FREM1: variants seen among roughly 807,000 people sequenced by gnomAD.
FREM1 encodes FRAS1-related extracellular matrix protein 1.
Under a neutral mutation model 210.1 loss-of-function variants are expected in FREM1, and 220 were observed. The ratio of observed to expected loss-of-function variants is 1.05; its 90% CI spans 0.94 to 1.17. FREM1 has a LOEUF of 1.17. Ranked by LOEUF, FREM1 falls within the 50% of genes most tolerant of loss-of-function variation. FREM1 has a pLI of 0.00. For synonymous variants in FREM1, 1,189 were observed against 980.2 expected (o/e 1.21, Z -3.98); for missense variants, 3,454 against 2,675.5 (o/e 1.29, Z -6.42).
intron 10 of FREM1, among the ~76,000 whole-genome samples, chr9:14,830,637 G>A (rs993151644): frequency 2.0e-5 from 3 of 151,714 alleles, no homozygotes; most frequent in South Asian, 2.1e-4. Flanking sequence ...CGGCTTTGGA[G>A]CTCCCCCCGC....
In FREM1 at chr9:14,859,312, T is replaced by C; in HGVS notation, c.502A>G (p.Ser168Gly). The part of the protein sequence containing the change: ...LLRFDYDRMA[S>G]LECTVSLDTA... Reference sequence around the variant, plus strand: ...TCCAGGCTGACGGTACATTCCAGGCTAGCCATCCTATCATAATCGAATCTG... The same window carrying C: ...TCCAGGCTGACGGTACATTCCAGGCCAGCCATCCTATCATAATCGAATCTG... Residue 168 changes from serine to glycine, a missense_variant, in exon 4 of 37, where the codon AGC becomes GGC. Ser to Gly is a moderately conservative substitution (Grantham distance 56, BLOSUM62 0). Transcript: ENST00000380880. 1 of 1,613,942 alleles carries C rather than the reference T, an allele frequency of 6.2e-7. No individual in the cohort carries two copies. Among genetic ancestry groups the C allele is most frequent in the Non-Finnish European group, 8.5e-7 (1 of 1,179,864 alleles).
At chr9:14,753,870 T>C (rs1234293674) in intron 29 of FREM1, among the ~76,000 whole-genome samples, 1 of 152,248 alleles carries the variant, frequency 6.6e-6, no homozygotes, top group Admixed American at 6.5e-5. Flanking sequence ...GTTTTTTTCT[T>C]AATTTATAAG....
At chr9:14,810,488 G>A (rs2133505401) in intron 16 of FREM1, among the ~76,000 whole-genome samples, 1 of 152,260 alleles carries the variant, frequency 6.6e-6, no homozygotes, top group Middle Eastern at 3.4e-3. Flanking sequence ...GTCTCACTCT[G>A]CTGCCCAGGT....
intron 2 of FREM1, among the ~76,000 whole-genome samples, chr9:14,868,465 T>C (rs1831960032): frequency 6.6e-6 from 1 of 152,222 alleles, no homozygotes; most frequent in South Asian, 2.1e-4. Flanking sequence ...ATTTCCTCTA[T>C]AAATGTTATT....
chr9:14,857,185 C>T lies in FREM1; in HGVS notation c.828+368G>A, dbSNP rs535515976. Among the ~76,000 whole-genome samples the T allele has an allele frequency of 2.3e-3, 344 of 152,104 alleles. 5 individuals carry two copies. The highest frequency in any genetic ancestry group is 3.0e-3 in the Non-Finnish European group (204 of 68,010). ...CCTGTGACCTTGCAGAGTGGACCCC[C>T]TGATTTCAAGAAGGACAAAAGGAAG... On this transcript the variant is annotated intron_variant, in intron 5 of 36. Transcript: ENST00000380880.
intron 1 of FREM1, among the ~76,000 whole-genome samples, chr9:14,897,418 C>T (rs1382508348): frequency 6.6e-6 from 1 of 151,954 alleles, no homozygotes; most frequent in Non-Finnish European, 1.5e-5. Flanking sequence ...GAAACGGGGG[C>T]CCAAAGAGGC....
chr9:14,853,216 A>G (rs982723453), intron 5 of FREM1, among the ~76,000 whole-genome samples: 6 of 152,218 alleles, frequency 3.9e-5, no homozygotes, highest in African/African-American at 1.4e-4. Flanking sequence ...AGCAAAAAAA[A>G]TGATGGCTGT....
intron 10 of FREM1, among the ~76,000 whole-genome samples, chr9:14,835,064 G>A (rs544533827): frequency 6.6e-6 from 1 of 152,164 alleles, no homozygotes; most frequent in Non-Finnish European, 1.5e-5. Flanking sequence ...AATGGAGGGA[G>A]AATCTACAGG....
At chr9:14,900,588 C>G (rs570856371) in intron 1 of FREM1, among the ~76,000 whole-genome samples, 1 of 151,992 alleles carries the variant, frequency 6.6e-6, no homozygotes, top group South Asian at 2.1e-4. Context: ...TGGGGGAGGG[C>G]TGGGAAGAGG....
intron 13 of FREM1, among the ~76,000 whole-genome samples, 178 bp from the exon 14 acceptor site, chr9:14,819,620 T>C (rs1262310758): frequency 6.6e-6 from 1 of 152,262 alleles, no homozygotes; most frequent in Non-Finnish European, 1.5e-5. Context: ...TTTTTTTTAC[T>C]ATTTCTAATT....
At chr9:14,839,320 T>A (rs557123331) in intron 10 of FREM1, among the ~76,000 whole-genome samples, 58 of 152,146 alleles carry the variant, frequency 3.8e-4, no homozygotes, top group Non-Finnish European at 6.5e-4. Context: ...TTTGTGCAAG[T>A]TTTTAGGGAC....
Position 14,842,376 on chromosome 9 carries a change from TGAA to T in FREM1, c.1675_1677del (p.Phe559del). On this transcript the variant is annotated inframe_deletion, in exon 9 of 37. Transcript: ENST00000380880. ...CCAGCCTGTGGAGGCTTTGTGATATTGAAGAAGATGTAGTCATCACTGGCGTCC... is the reference window on the plus strand; with the variant it reads ...CCAGCCTGTGGAGGCTTTGTGATATTGAAGATGTAGTCATCACTGGCGTCC... 1 of 1,610,994 alleles carries T rather than the reference TGAA, an allele frequency of 6.2e-7. No individual in the cohort carries two copies. Among genetic ancestry groups the T allele is most frequent in the Non-Finnish European group, 8.5e-7 (1 of 1,177,468 alleles).
chr9:14,767,456 A>G (rs1846642862), intron 27 of FREM1, among the ~76,000 whole-genome samples: 1 of 152,164 alleles, frequency 6.6e-6, no homozygotes, highest in Admixed American at 6.5e-5. Flanking sequence ...TTCCACTTAG[A>G]AAAGTCACTT....
chr9:14,860,918 C>CACATATATACATATATACACATATAT lies in FREM1; in HGVS notation c.330-1435_330-1434insATATATGTGTATATATGTATATATGT, dbSNP rs1347446849. ...ACATATATACACATATACACATATA[C>CACATATATACATATATACACATATAT]ACATATATACACATATACACACATA... is the stretch of plus-strand genomic sequence containing the variant. On this transcript the variant is annotated intron_variant, in intron 3 of 36. Transcript: ENST00000380880. 3.5e-4 allele frequency among the ~76,000 whole-genome samples: 19 copies of CACATATATACATATATACACATATAT among 54,152 alleles called. 2 individuals carry two copies. The South Asian group carries it at 3.6e-3, about 10-fold the overall frequency. The allele number at this position is 54,152 out of a possible 152,430, so 35.5% of individuals were successfully genotyped here. A position where few individuals can be genotyped will look rare whatever the true frequency, so the allele number is the denominator to read the frequency against.
In FREM1 at chr9:14,823,328, C is replaced by A; in HGVS notation, c.2170-1G>T. On this transcript the variant is annotated splice_acceptor_variant, in intron 12 of 36. Transcript: ENST00000380880. LOFTEE classifies it high-confidence loss of function. ...CCACTTTCATATAGTTCACAGCATG[C>A]TGCAAAGTAAGTTGAGATGGATATG... The A allele has an allele frequency of 6.2e-7, 1 of 1,611,672 alleles. No individual in the cohort carries two copies. Among genetic ancestry groups the A allele is most frequent in the Non-Finnish European group, 8.5e-7 (1 of 1,178,494 alleles).
intron 19 of FREM1, among the ~76,000 whole-genome samples, chr9:14,803,268 TCCC>T (rs1457670529): frequency 1.3e-3 from 185 of 138,940 alleles, no homozygotes; most frequent in African/African-American, 4.5e-3. Context: ...TCTCTTTCTT[TCCC>T]TCCCTCCCTT....
rs771323984 is a variant in FREM1, at chr9:14,807,890, T to C, written c.3088+50A>G. Reference sequence around the variant, plus strand: ...ATGTATTATTTCACTGAACCACAGGTATGACACTAGGTCAGACAATAGTAC... The same window carrying C: ...ATGTATTATTTCACTGAACCACAGGCATGACACTAGGTCAGACAATAGTAC... On this transcript the variant is annotated intron_variant, in intron 17 of 36. Transcript: ENST00000380880. 5.5e-6 allele frequency: 7 copies of C among 1,272,428 alleles called. No homozygotes were observed. The Admixed American group carries it at 1.1e-4, about 20-fold the overall frequency. 78.8% of individuals were successfully genotyped at this position (1,272,428 alleles called of 1,614,324 possible).
intron 1 of FREM1, among the ~76,000 whole-genome samples, chr9:14,875,638 A>G (rs921385759): frequency 6.6e-6 from 1 of 152,070 alleles, no homozygotes; most frequent in East Asian, 1.9e-4. Context: ...CTGTAGCTCT[A>G]AGTAGTTTGA....
intron 3 of FREM1, among the ~76,000 whole-genome samples, chr9:14,861,347 A>ACGTATATACACATGTATG (rs1830519383): frequency 7.5e-6 from 1 of 132,680 alleles, no homozygotes; most frequent in African/African-American, 3.3e-5. Context: ...ACACATATAT[A>ACGTATATACACATGTATG]TACATATATA....
Sources: gnomAD v4.1 joint callset for allele counts (sites outside exome capture counted in the v4.1 genomes callset) on GRCh38, gnomAD v4.1.1 for gene constraint, MANE v1.5 for transcripts, NCBI Gene and HGNC (gene_info 2026-07-23, HGNC 2026-07-21) for gene names.